Variants in RPN2 observed in about 807,000 individuals in gnomAD.
RPN2 encodes ribophorin II.
RPN2 carries 29 observed loss-of-function variants against 71.4 expected under a neutral mutation model. The ratio of observed to expected loss-of-function variants is 0.41; its 90% CI spans 0.30 to 0.55. The LOEUF (loss-of-function observed/expected upper bound fraction) is 0.55, where lower values mean the gene tolerates loss of function less well. Among genes scored for constraint, RPN2 ranks in the 20% least tolerant of loss-of-function variants. The pLI is 0.35. For synonymous variants in RPN2, 308 were observed against 305.0 expected, an observed-to-expected ratio of 1.01 and a Z score of -0.10; for missense variants, 726 against 774.1, an observed-to-expected ratio of 0.94 and a Z score of 0.74.
intron 7 of RPN2, among the ~76,000 whole-genome samples, chr20:37,208,690 T>C (rs1230945392): frequency 6.6e-6 from 1 of 152,244 alleles, no homozygotes. Flanking sequence ...TGTTAACTCG[T>C]TGAACAGAGC....
chr20:37,183,285 G>A (rs185582197), intron 1 of RPN2, among the ~76,000 whole-genome samples: 1 of 151,720 alleles, frequency 6.6e-6, no homozygotes, highest in Admixed American at 6.6e-5. Context: ...CGCATTCTCA[G>A]CTCTCTGCAA....
intron 9 of RPN2, among the ~76,000 whole-genome samples, chr20:37,216,851 A>G (rs543589802): frequency 2.4e-4 from 36 of 152,032 alleles, no homozygotes; most frequent in Admixed American, 4.6e-4. Context: ...TTGCTGTAGT[A>G]TTTTACACCC....
At chr20:37,199,998 T>G (rs939759387) in intron 4 of RPN2, among the ~76,000 whole-genome samples, 2 of 137,334 alleles carry the variant, frequency 1.5e-5, no homozygotes, top group East Asian at 2.5e-4. Flanking sequence ...GCCTAGCTAA[T>G]TTTTTTTTTT....
intron 2 of RPN2, 54 bp downstream of exon 2, chr20:37,184,427 C>A: frequency 7.1e-7 from 1 of 1,399,798 alleles, no homozygotes; most frequent in South Asian, 1.2e-5. Context: ...CCTTCATCCC[C>A]TCACTATATT....
At chr20:37,238,869 T>C (rs890555062) in intron 16 of RPN2, 1 of 520,444 alleles carries the variant, frequency 1.9e-6, no homozygotes, top group Non-Finnish European at 3.8e-6. Flanking sequence ...TCTAGACTTT[T>C]CTGTAACACC....
intron 2 of RPN2, among the ~76,000 whole-genome samples, chr20:37,196,315 G>A (rs1185599290): frequency 1.3e-5 from 2 of 151,874 alleles, no homozygotes; most frequent in African/African-American, 4.8e-5. Flanking sequence ...TGCAAGCTCT[G>A]CCTCCCGGGT....
At chr20:37,198,573 C>A in intron 3 of RPN2, 81 bp downstream of exon 3, 1 of 1,599,000 alleles carries the variant, frequency 6.3e-7, no homozygotes, top group South Asian at 1.1e-5. Flanking sequence ...GTCAAACATC[C>A]TTTTTTTAAT....
chr20:37,197,679 T>C, intron 2 of RPN2, among the ~76,000 whole-genome samples: 1 of 152,166 alleles, frequency 6.6e-6, no homozygotes, highest in African/African-American at 2.4e-5. Flanking sequence ...TGAACATGGC[T>C]CACTGCAGCC....
rs762140403 is a variant in RPN2, at chr20:37,207,431, T to A, written c.849T>A (p.His283Gln). Residue 283 changes from histidine to glutamine, a missense_variant, in exon 7 of 17, where the codon CAT becomes CAA. Physicochemically the swap from His to Gln is conservative, Grantham distance 24 (BLOSUM62 0). Coordinates refer to ENST00000237530, the MANE Select transcript of RPN2 (RefSeq NM_002951.5). The part of the protein sequence containing the change: ...VVPEGSASDT[H>Q]EQAILRLQVT... ...CTGAGGGCTCTGCTTCCGACACTCA[T>A]GAACAGGCTATCTTGCGGGTAAGAC... is the stretch of plus-strand genomic sequence containing the variant. The A allele has an allele frequency of 3.1e-6, 5 of 1,614,084 alleles. No homozygotes were observed. The Admixed American group carries it at 6.7e-5, about 22-fold the overall frequency.
chr20:37,229,347 G>A (rs1386929156), intron 12 of RPN2, among the ~76,000 whole-genome samples: 7 of 152,178 alleles, frequency 4.6e-5, no homozygotes, highest in Admixed American at 4.6e-4. Flanking sequence ...ATCTGGGGCT[G>A]TGGGGTGATC....
At chr20:37,224,056 A>G (rs540679681) in intron 10 of RPN2, 87 bp downstream of exon 10, 1 of 1,060,478 alleles carries the variant, frequency 9.4e-7, no homozygotes, top group South Asian at 1.3e-5. Flanking sequence ...TGCAGGCATC[A>G]GTTCTGTGTC....
At chr20:37,205,806 G>A (rs1051021639) in intron 6 of RPN2, among the ~76,000 whole-genome samples, 1 of 152,078 alleles carries the variant, frequency 6.6e-6, no homozygotes, top group Non-Finnish European at 1.5e-5. Flanking sequence ...CAAGAGTGTG[G>A]GGTCTTAGGG....
At chr20:37,186,296 G>C (rs2067008293) in intron 2 of RPN2, among the ~76,000 whole-genome samples, 1 of 152,200 alleles carries the variant, frequency 6.6e-6, no homozygotes, top group Non-Finnish European at 1.5e-5. Flanking sequence ...ATAATCAGTG[G>C]ATGGAAATCC....
At chr20:37,179,502 C>T (rs1226202226) in intron 1 of RPN2, 133 bp downstream of exon 1, 1 of 1,298,920 alleles carries the variant, frequency 7.7e-7, no homozygotes, top group East Asian at 3.3e-5. Context: ...CTGGCTGGGG[C>T]GCTCTCGGAT....
rs941372834 is a variant in RPN2 at position 37,234,434 on chromosome 20, C to T, written c.1753+339C>T. Among the ~76,000 whole-genome samples the T allele has an allele frequency of 2.6e-5, 4 of 152,206 alleles. 1 individual carries two copies. Among genetic ancestry groups the T allele is most frequent in the African/African-American group, 9.6e-5 (4 of 41,456 alleles). On this transcript the variant is annotated intron_variant, in intron 15 of 16. Coordinates refer to ENST00000237530, the MANE Select transcript of RPN2 (RefSeq NM_002951.5). ...TGGATGAAGAGCATTAATGCAGTTT[C>T]CAAAGGTTATCTTTCCCCACGCTAT... is the stretch of plus-strand genomic sequence containing the variant.
intron 9 of RPN2, among the ~76,000 whole-genome samples, chr20:37,221,155 T>C (rs1234243836): frequency 6.6e-6 from 1 of 152,016 alleles, no homozygotes; most frequent in Non-Finnish European, 1.5e-5. Flanking sequence ...ATAGCTTCCT[T>C]ATCACTATCA....
chr20:37,188,066 A>G (rs1382624434), intron 2 of RPN2, among the ~76,000 whole-genome samples: 1 of 152,122 alleles, frequency 6.6e-6, no homozygotes, highest in East Asian at 1.9e-4. Flanking sequence ...CTCACGGTAT[A>G]TCTTGAATTA....
chr20:37,185,541 TTGAC>T (rs1299575893), intron 2 of RPN2, among the ~76,000 whole-genome samples: 1 of 152,200 alleles, frequency 6.6e-6, no homozygotes, highest in African/African-American at 2.4e-5. Flanking sequence ...TTAGTTTTCT[TTGAC>T]TGAAGAACAA....
intron 9 of RPN2, among the ~76,000 whole-genome samples, chr20:37,217,084 C>T (rs1245934007): frequency 1.3e-5 from 2 of 151,708 alleles, no homozygotes; most frequent in Non-Finnish European, 2.9e-5. Context: ...GCATGCACCA[C>T]CATGCCCAGC....
Sources: gnomAD v4.1 joint callset for allele counts (sites outside exome capture counted in the v4.1 genomes callset) on GRCh38, gnomAD v4.1.1 for gene constraint, MANE v1.5 for transcripts, NCBI Gene and HGNC (gene_info 2026-07-23, HGNC 2026-07-21) for gene names.